ADAMTSL1: variants seen among roughly 807,000 people sequenced by gnomAD.
ADAMTSL1 encodes the protein ADAMTS like 1.
Under a neutral mutation model 201.8 loss-of-function variants are expected in ADAMTSL1, and 126 were observed. The ratio of observed to expected loss-of-function variants is 0.62; its 90% confidence interval spans 0.54 to 0.72. The LOEUF (loss-of-function observed/expected upper bound fraction) is 0.72. Ranked by LOEUF, ADAMTSL1 falls within the 30% of genes least tolerant of loss-of-function variation. The pLI is 0.00. For missense variants in ADAMTSL1, 2,679 were observed against 2,277.8 expected (o/e 1.18, Z -3.59); for synonymous variants, 1,121 against 903.4 (o/e 1.24, Z -4.32).
Position 18,788,221 on chromosome 9 carries a change from G to T in ADAMTSL1, c.3678-7176G>T, listed in dbSNP as rs531724215. ...TAAAATTCTCCCTTGCAAGCCTCTG[G>T]GCTACTGTAATTTTTGGTTTCAGAA... is the stretch of plus-strand genomic sequence containing the variant. On this transcript the variant is annotated intron_variant, in intron 19 of 28. Coordinates refer to ENST00000380548, the MANE Select transcript of ADAMTSL1 (RefSeq NM_001040272.6). Among the ~76,000 whole-genome samples, 340 of 152,142 alleles carry T rather than the reference G, an allele frequency of 2.2e-3. 2 individuals carry two copies. Among genetic ancestry groups the T allele is most frequent in the Non-Finnish European group, 3.8e-3 (261 of 68,004 alleles).
At chr9:18,074,897 C>G (rs1306278317) in intron 1 of ADAMTSL1, among the ~76,000 whole-genome samples, 1 of 152,168 alleles carries the variant, frequency 6.6e-6, no homozygotes, top group Admixed American at 6.6e-5. Flanking sequence ...AGCCTCACCA[C>G]ATTGCATTTC....
chr9:18,532,920 A>G (rs1163472989), intron 2 of ADAMTSL1, among the ~76,000 whole-genome samples: 47 of 151,952 alleles, frequency 3.1e-4, no homozygotes, highest in Admixed American at 3.0e-3. Context: ...TATATCAGAA[A>G]TAAGAAGAAA....
At position 18,775,819 on chromosome 9, in the gene ADAMTSL1, C is replaced by T. The variant is rs1438679582; in HGVS notation, c.2474C>T (p.Thr825Met). 20 of 1,609,370 alleles carry T rather than the reference C, an allele frequency of 1.2e-5. No homozygotes were observed. The highest frequency in any genetic ancestry group is 4.5e-5 in the South Asian group (4 of 89,866). Residue 825 changes from threonine to methionine, a missense_variant, in exon 18 of 29, where the codon ACG becomes ATG. Thr to Met is a moderately conservative substitution (Grantham distance 81). Transcript: ENST00000380548. ...CRKMLKTGLS[T>M]VVNSTLCPPL... ...AAGATGCTGAAAACCGGCCTCTCAA[C>T]GGTTGTCAATTCCACCCTGTGCCCG...
intron 17 of ADAMTSL1, among the ~76,000 whole-genome samples, chr9:18,773,200 T>G (rs192393536): frequency 3.9e-4 from 59 of 152,304 alleles, no homozygotes; most frequent in Non-Finnish European, 7.9e-4. Flanking sequence ...TCATGGTTAC[T>G]GCACAGAATC....
intron 2 of ADAMTSL1, among the ~76,000 whole-genome samples, chr9:18,324,654 C>G (rs1444461608): frequency 6.6e-6 from 1 of 151,550 alleles, no homozygotes; most frequent in Non-Finnish European, 1.5e-5. Context: ...ATCCCAGCTA[C>G]TAGGGAGGCT....
rs1387963244 is a variant in ADAMTSL1 at position 18,674,209 on chromosome 9, CACACACACACACAA to C, written c.1086-1638_1086-1625del. Among the ~76,000 whole-genome samples the C allele has an allele frequency of 8.3e-5, 12 of 144,182 alleles. No homozygotes were observed. The East Asian group carries it at 2.2e-3, about 27-fold the overall frequency. 94.6% of individuals were successfully genotyped at this position (144,182 alleles called of 152,430 possible). A position where few individuals can be genotyped will look rare whatever the true frequency, so the allele number is the denominator to read the frequency against. ...TAATACACACACAGGCACACACACACACACACACACACAAACACACACATCATGAAAATTTTCTC... is the reference window on the plus strand; with the variant it reads ...TAATACACACACAGGCACACACACACACACACACATCATGAAAATTTTCTC... On this transcript the variant is annotated intron_variant, in intron 9 of 28. Coordinates refer to ENST00000380548, the MANE Select transcript of ADAMTSL1 (RefSeq NM_001040272.6).
chr9:17,987,200 G>T (rs1818963536), intron 1 of ADAMTSL1, among the ~76,000 whole-genome samples: 1 of 152,082 alleles, frequency 6.6e-6, no homozygotes, highest in Non-Finnish European at 1.5e-5. Context: ...GGCAGTAGCA[G>T]ATGCATCAGG....
At chr9:18,730,520 C>A (rs1361245334) in intron 15 of ADAMTSL1, among the ~76,000 whole-genome samples, 1 of 152,252 alleles carries the variant, frequency 6.6e-6, no homozygotes, top group Non-Finnish European at 1.5e-5. Context: ...GCCCAGCCAG[C>A]TACCTTCTTT....
At chr9:18,008,546 A>G (rs893664810) in intron 1 of ADAMTSL1, among the ~76,000 whole-genome samples, 1 of 151,950 alleles carries the variant, frequency 6.6e-6, no homozygotes, top group Non-Finnish European at 1.5e-5. Flanking sequence ...AACACAACAC[A>G]AATTACTCAT....
At chr9:18,679,620 A>G (rs1257821719) in intron 10 of ADAMTSL1, among the ~76,000 whole-genome samples, 1 of 152,220 alleles carries the variant, frequency 6.6e-6, no homozygotes, top group Non-Finnish European at 1.5e-5. Context: ...TCACAGTTCC[A>G]AGAGTTACTT....
chr9:18,752,236 CA>C (rs1464858579), intron 15 of ADAMTSL1, among the ~76,000 whole-genome samples: 2 of 150,416 alleles, frequency 1.3e-5, no homozygotes, highest in African/African-American at 2.5e-5. Flanking sequence ...GTAGTGGAAA[CA>C]GGTTGGAAAG....
At chr9:17,975,481 G>T (rs2033926285) in intron 1 of ADAMTSL1, among the ~76,000 whole-genome samples, 1 of 151,950 alleles carries the variant, frequency 6.6e-6, no homozygotes, top group South Asian at 2.1e-4. Flanking sequence ...CTCATCAAGA[G>T]CACTAATACC....
rs764149832 is a variant in ADAMTSL1 at position 18,777,355 on chromosome 9, G to T, written c.3126G>T (p.Trp1042Cys). 1 of 1,601,338 alleles carries T rather than the reference G, an allele frequency of 6.2e-7. No individual in the cohort carries two copies. Among genetic ancestry groups the T allele is most frequent in the Non-Finnish European group, 8.5e-7 (1 of 1,174,112 alleles). Residue 1042 changes from tryptophan (W) to cysteine (C), a missense_variant, in exon 19 of 29, where the codon TGG (tryptophan) becomes TGT (cysteine). Trp to Cys is a radical substitution (Grantham distance 215). Transcript: ENST00000380548. Reference sequence around the variant, plus strand: ...GGCCCGGAGAGCTGCTGGCCTCGTGGGAGGCGCAGGACTCTGCGGAAAGGA... The same window carrying T: ...GGCCCGGAGAGCTGCTGGCCTCGTGTGAGGCGCAGGACTCTGCGGAAAGGA... The part of the protein sequence containing the change: ...GGWPGELLAS[W>C]EAQDSAERNT...
chr9:18,717,084 G>T (rs1388906899), intron 14 of ADAMTSL1, among the ~76,000 whole-genome samples: 1 of 145,838 alleles, frequency 6.9e-6, no homozygotes, highest in East Asian at 2.0e-4. Flanking sequence ...GGGGACTGTG[G>T]TGGGGTGGGG....
chr9:18,401,365 C>T (rs1817977522), intron 2 of ADAMTSL1, among the ~76,000 whole-genome samples: 1 of 152,188 alleles, frequency 6.6e-6, no homozygotes, highest in Admixed American at 6.5e-5. Context: ...TCCCACGGAG[C>T]CCAGTTCTAC....
chr9:18,289,669 T>A (rs996832659), intron 2 of ADAMTSL1, among the ~76,000 whole-genome samples: 1 of 152,162 alleles, frequency 6.6e-6, no homozygotes, highest in Non-Finnish European at 1.5e-5. Flanking sequence ...ATAGGTATGA[T>A]CATGTTGAGG....
At chr9:18,603,515 T>C (rs1369018968) in intron 4 of ADAMTSL1, among the ~76,000 whole-genome samples, 1 of 152,178 alleles carries the variant, frequency 6.6e-6, no homozygotes, top group African/African-American at 2.4e-5. Flanking sequence ...TTTGTCCACA[T>C]CTTGTTAGAA....
intron 1 of ADAMTSL1, among the ~76,000 whole-genome samples, chr9:18,051,272 G>C (rs1415873526): frequency 3.3e-5 from 5 of 152,162 alleles, no homozygotes; most frequent in African/African-American, 1.2e-4. Context: ...CTGCACTCCA[G>C]GCTGGGCGAC....
chr9:18,648,754 T>C (rs1449702076), intron 7 of ADAMTSL1, among the ~76,000 whole-genome samples: 93 of 152,110 alleles, frequency 6.1e-4, no homozygotes, highest in African/African-American at 2.1e-3. Context: ...TGCCGAGAGA[T>C]CCGCTGTTAG....
Sources: gnomAD v4.1 joint callset for allele counts (sites outside exome capture counted in the v4.1 genomes callset) on GRCh38, gnomAD v4.1.1 for gene constraint, MANE v1.5 for transcripts, NCBI Gene and HGNC (gene_info 2026-07-23, HGNC 2026-07-21) for gene names.